VDAC1: variants seen among roughly 807,000 people sequenced by gnomAD.
VDAC1 encodes voltage dependent anion channel 1.
Under a neutral mutation model 34.7 loss-of-function variants are expected in VDAC1, and 10 were observed. The ratio of observed to expected loss-of-function variants is 0.29; its 90% CI spans 0.18 to 0.49. The LOEUF is 0.49. Ranked by LOEUF, VDAC1 falls within the 20% of genes least tolerant of loss-of-function variation. The pLI is 0.99. For missense variants in VDAC1, 230 were observed against 347.9 expected, an observed-to-expected ratio of 0.66 and a Z score of 2.69; for synonymous variants, 130 against 136.0, an observed-to-expected ratio of 0.96 and a Z score of 0.30.
chr5:134,080,083 A>G, the VDAC1 span, among the ~76,000 whole-genome samples: 1 of 152,198 alleles, frequency 6.6e-6, no homozygotes, highest in Non-Finnish European at 1.5e-5. Context: ...ATAGAAAAAC[A>G]CTGCATCCAT....
chr5:134,005,791 G>T (rs1379757652), upstream of VDAC1, among the ~76,000 whole-genome samples: 2 of 152,226 alleles, frequency 1.3e-5, no homozygotes. Context: ...CTCGAAGCAG[G>T]TTTCGAGAAT....
chr5:134,079,471 A>G, the VDAC1 span, among the ~76,000 whole-genome samples: 72,629 of 151,910 alleles, frequency 0.48, 17,697 homozygotes, highest in Non-Finnish European at 0.52. Context: ...AGATGGACTT[A>G]GTCTCCACTC....
the VDAC1 span, among the ~76,000 whole-genome samples, chr5:134,070,147 C>T: frequency 6.6e-6 from 1 of 152,042 alleles, no homozygotes; most frequent in Non-Finnish European, 1.5e-5. Context: ...CCTTTACTTT[C>T]TTATTTTTTT....
chr5:134,092,932 T>C, the VDAC1 span, among the ~76,000 whole-genome samples: 1 of 152,244 alleles, frequency 6.6e-6, no homozygotes, highest in Non-Finnish European at 1.5e-5. Flanking sequence ...AATTTCCTTG[T>C]CTGGTGGTTC....
At chr5:133,982,149 T>C (rs972736334) in intron 5 of VDAC1, among the ~76,000 whole-genome samples, 4 of 152,202 alleles carry the variant, frequency 2.6e-5, no homozygotes, top group Non-Finnish European at 5.9e-5. Context: ...TGGAGCAATG[T>C]GAGCCTCAAT....
chr5:133,990,554 A>G (rs1753067379), intron 5 of VDAC1, among the ~76,000 whole-genome samples: 1 of 152,200 alleles, frequency 6.6e-6, no homozygotes, highest in African/African-American at 2.4e-5. Flanking sequence ...GGTAACAATC[A>G]TGGCCTGGGC....
the VDAC1 span, among the ~76,000 whole-genome samples, chr5:134,036,863 G>GAT: frequency 6.6e-6 from 1 of 151,754 alleles, no homozygotes; most frequent in Non-Finnish European, 1.5e-5. Flanking sequence ...TGAGGCAGGA[G>GAT]AATGGTGTGA....
At chr5:134,045,045 G>A in the VDAC1 span, among the ~76,000 whole-genome samples, 3 of 152,166 alleles carry the variant, frequency 2.0e-5, no homozygotes, top group African/African-American at 4.8e-5. Flanking sequence ...CAACAAGGTC[G>A]GCCCTGTGAA....
At chr5:134,075,808 A>AT in the VDAC1 span, among the ~76,000 whole-genome samples, 1 of 151,708 alleles carries the variant, frequency 6.6e-6, no homozygotes, top group Non-Finnish European at 1.5e-5. Flanking sequence ...GATGGTCTCG[A>AT]TCTCCTGACC....
At chr5:134,018,362 G>T in the VDAC1 span, among the ~76,000 whole-genome samples, 1 of 152,148 alleles carries the variant, frequency 6.6e-6, no homozygotes, top group African/African-American at 2.4e-5. Flanking sequence ...ATTCACGAGG[G>T]ATCTGCCCCC....
At chr5:133,982,964 G>C (rs1277551323) in intron 5 of VDAC1, among the ~76,000 whole-genome samples, 1 of 150,870 alleles carries the variant, frequency 6.6e-6, no homozygotes, top group Non-Finnish European at 1.5e-5. Flanking sequence ...ATTAAGAAAT[G>C]ATCCACTGGG....
chr5:133,973,828 G>T lies in VDAC1; in HGVS notation c.723C>A (p.Ser241Arg), dbSNP rs1351181630. ...TCTGAGTGTATCCTAAACCTATCAG[G>T]CTGGAGTTGTTCACTTTAGCCTAAT... Reference protein sequence around the residue: ...ACFSAKVNNSSLIGLGYTQTL... With the variant: ...ACFSAKVNNSRLIGLGYTQTL... Residue 241 changes from serine (S) to arginine (R), a missense_variant, in exon 8 of 9, where the codon AGC (serine) becomes AGA (arginine). Transcript: ENST00000265333. 1 of 1,613,182 alleles carries T rather than the reference G, an allele frequency of 6.2e-7. No individual in the cohort carries two copies. The highest frequency in any genetic ancestry group is 2.2e-5 in the East Asian group (1 of 44,866).
At chr5:133,999,919 A>AT in intron 1 of VDAC1, among the ~76,000 whole-genome samples, 2 of 152,100 alleles carry the variant, frequency 1.3e-5, no homozygotes, top group East Asian at 3.9e-4. Context: ...CACCAACACC[A>AT]TTCTAGGTGG....
chr5:134,066,838 C>T, the VDAC1 span, among the ~76,000 whole-genome samples: 14 of 152,186 alleles, frequency 9.2e-5, no homozygotes, highest in Non-Finnish European at 2.9e-5. Context: ...TGCAATGTCA[C>T]TTCTGGTCAC....
the VDAC1 span, among the ~76,000 whole-genome samples, chr5:134,033,294 G>A: frequency 0.19 from 28,685 of 150,920 alleles, 3,076 homozygotes; most frequent in East Asian, 0.45. Context: ...AGTAGCTGGG[G>A]CTACAGGCGC....
chr5:134,039,540 A>G, the VDAC1 span, among the ~76,000 whole-genome samples: 130 of 152,024 alleles, frequency 8.6e-4, no homozygotes, highest in African/African-American at 2.8e-3. Flanking sequence ...CGTGTTAGCC[A>G]GGATGGTCTC....
the VDAC1 span, among the ~76,000 whole-genome samples, chr5:134,113,274 G>T: frequency 6.6e-6 from 1 of 152,230 alleles, no homozygotes; most frequent in African/African-American, 2.4e-5. Context: ...CCAGCCTGGG[G>T]AAAGGAGGAA....
At chr5:134,084,242 C>T in the VDAC1 span, among the ~76,000 whole-genome samples, 12 of 152,150 alleles carry the variant, frequency 7.9e-5, no homozygotes, top group Admixed American at 7.9e-4. Flanking sequence ...AGTGTGGACA[C>T]AGAGGGGAGG....
chr5:133,993,799 A>C (rs1431608267), intron 1 of VDAC1, among the ~76,000 whole-genome samples: 2 of 152,214 alleles, frequency 1.3e-5, no homozygotes, highest in Non-Finnish European at 2.9e-5. Context: ...CTCGGTGTTC[A>C]AGGAAGGAGA....
Sources: gnomAD v4.1 joint callset for allele counts (sites outside exome capture counted in the v4.1 genomes callset) on GRCh38, gnomAD v4.1.1 for gene constraint, MANE v1.5 for transcripts, NCBI Gene and HGNC (gene_info 2026-07-23, HGNC 2026-07-21) for gene names.